FSCN1: variants seen among roughly 807,000 people sequenced by gnomAD.
FSCN1 encodes the protein fascin.
FSCN1 carries 10 observed loss-of-function variants against 39.7 expected under a neutral mutation model. The observed-to-expected ratio is 0.25, with a 90% CI of 0.16 to 0.43. FSCN1 has a LOEUF of 0.43. Ranked by LOEUF, FSCN1 falls within the 20% of genes least tolerant of loss-of-function variation. The pLI is 1.00. For missense variants in FSCN1, 525 were observed against 723.8 expected (o/e 0.73, Z 3.15); for synonymous variants, 322 against 320.0 (o/e 1.01, Z -0.07).
chr7:5,603,407 C>T lies in FSCN1; in HGVS notation c.983C>T (p.Ser328Phe), dbSNP rs770227239. 16 of 1,613,658 alleles carry T rather than the reference C, an allele frequency of 9.9e-6. No individual in the cohort carries two copies. The South Asian group carries it at 1.6e-4, about 17-fold the overall frequency. Residue 328 changes from serine to phenylalanine, a missense_variant, in exon 2 of 5, where the codon TCC (serine) becomes TTC (phenylalanine). Around this residue, in one of 3 missense-constraint regions of FSCN1, gnomAD observed 275 missense variants for 351.9 expected, o/e 0.78. Transcript: ENST00000382361. This position sits in a 1 kb window ranked among gnomAD's most constrained non-coding sequence, Gnocchi z 8.5. ...TATGGVQSTA[S>F]SKNASCYFDI... ...ACCGGGGGCGTGCAGTCCACCGCCT[C>T]CAGCAAGTGAGTGCCTCGCTCCCAC... is the stretch of plus-strand genomic sequence containing the variant.
intron 1 of FSCN1, chr7:5,602,886 C>T (rs554479837): frequency 1.1e-4 from 27 of 244,870 alleles, no homozygotes; most frequent in Admixed American, 4.1e-4. Context: ...TTTGTAGAGA[C>T]GGGGGTGGGG....
In FSCN1 at chr7:5,593,568, G is replaced by C; in HGVS notation, c.632G>C (p.Gly211Ala). 1 of 1,578,970 alleles carries C rather than the reference G, an allele frequency of 6.3e-7. No individual in the cohort carries two copies. The highest frequency in any genetic ancestry group is 8.6e-7 in the Non-Finnish European group (1 of 1,168,344). Residue 211 changes from glycine to alanine, a missense_variant, in exon 1 of 5, where the codon GGC (glycine) becomes GCC (alanine). Coordinates refer to ENST00000382361, the MANE Select transcript of FSCN1 (RefSeq NM_003088.4). ...GTGGCGCGCCCCGAGCCGGCCACTG[G>C]CTACACGCTGGAGTTCCGCTCCGGC... Reference protein sequence around the residue: ...RLVARPEPATGYTLEFRSGKV... With the variant: ...RLVARPEPATAYTLEFRSGKV...
chr7:5,604,394 C>T (rs1000716134), intron 4 of FSCN1, among the ~76,000 whole-genome samples: 5 of 152,058 alleles, frequency 3.3e-5, no homozygotes, highest in Non-Finnish European at 5.9e-5. Flanking sequence ...GGGGAGGACG[C>T]GCCTCGGTTA....
intron 1 of FSCN1, 130 bp downstream of exon 1, chr7:5,593,898 C>T (rs940781918): frequency 6.1e-6 from 4 of 657,968 alleles, no homozygotes; most frequent in Non-Finnish European, 9.9e-6. Flanking sequence ...ATTGCGCCCC[C>T]GCTAGGCACG....
chr7:5,593,474 G>C lies in FSCN1; in HGVS notation c.538G>C (p.Ala180Pro). The C allele has an allele frequency of 6.2e-7, 1 of 1,611,522 alleles. No individual in the cohort carries two copies. The highest frequency in any genetic ancestry group is 1.1e-5 in the South Asian group (1 of 91,004). ...PWGVDSLITL[A>P]FQDQRYSVQT... ...GGGCGTCGACTCGCTCATCACCCTC[G>C]CCTTCCAGGACCAGCGCTACAGCGT... Residue 180 changes from alanine to proline, a missense_variant, in exon 1 of 5, where the codon GCC becomes CCC. Physicochemically the swap from Ala to Pro is conservative, Grantham distance 27 (BLOSUM62 -1). Transcript: ENST00000382361.
chr7:5,602,545 A>C (rs1252823348), intron 1 of FSCN1, among the ~76,000 whole-genome samples: 2 of 152,016 alleles, frequency 1.3e-5, no homozygotes, highest in East Asian at 1.9e-4. Flanking sequence ...TTTCATCCCA[A>C]AATACTTCCA....
rs1302031161 is a variant in FSCN1, at chr7:5,605,524, C to G, written c.*50C>G. On this transcript the variant is annotated 3_prime_UTR_variant, in exon 5 of 5. Transcript: ENST00000382361. This position sits in a 1 kb window ranked among gnomAD's most constrained non-coding sequence, Gnocchi z 6.9. ...TGCCCACATGGCGGCTCCTGCCAAC[C>G]CTCCCTGCTAACCCCTTCTCCGCCA... 7.4e-7 allele frequency: 1 copy of G among 1,356,702 alleles called. No individual in the cohort carries two copies. Among genetic ancestry groups the G allele is most frequent in the Admixed American group, 2.1e-5 (1 of 47,228 alleles). The allele number at this position is 1,356,702 out of a possible 1,614,324, so 84.0% of individuals were successfully genotyped here.
At chr7:5,594,153 C>T (rs1443365643) in intron 1 of FSCN1, 4 of 207,792 alleles carry the variant, frequency 1.9e-5, no homozygotes, top group Non-Finnish European at 3.8e-5. Flanking sequence ...TCGTGCCCCT[C>T]CCCCCGCCGG....
Position 5,604,035 on chromosome 7 carries a change from G to A in FSCN1, c.1279+5G>A. 6.2e-7 allele frequency: 1 copy of A among 1,612,544 alleles called. No individual in the cohort carries two copies. Among genetic ancestry groups the A allele is most frequent in the Non-Finnish European group, 8.5e-7 (1 of 1,179,708 alleles). On this transcript the variant is annotated splice_donor_5th_base_variant and intron_variant, in intron 4 of 4. Transcript: ENST00000382361. ...ATGGCGCCTACAACATCAAAGGCAG[G>A]TTCTCCTGTGGGCAGCTGCTGGGCA...
Position 5,605,939 on chromosome 7 carries a change from T to C in FSCN1, c.*465T>C, listed in dbSNP as rs1584306331. 6.2e-6 allele frequency: 1 copy of C among 160,092 alleles called. No homozygotes were observed. The highest frequency in any genetic ancestry group is 1.9e-4 in the East Asian group (1 of 5,372). The allele number at this position is 160,092 out of a possible 1,614,324, so 9.9% of individuals were successfully genotyped here. A position where few individuals can be genotyped will look rare whatever the true frequency, so the allele number is the denominator to read the frequency against. ...TCCCAAGCCTGTCAGTGGCCCTCCC[T>C]GGTGCACTGTCCCCGAAACCCCTGC... On this transcript the variant is annotated 3_prime_UTR_variant, in exon 5 of 5. Coordinates refer to ENST00000382361, the MANE Select transcript of FSCN1 (RefSeq NM_003088.4). This position sits in a 1 kb window ranked among gnomAD's most constrained non-coding sequence, Gnocchi z 6.9.
chr7:5,595,617 T>A (rs1313600738), intron 1 of FSCN1, among the ~76,000 whole-genome samples: 3 of 151,946 alleles, frequency 2.0e-5, no homozygotes, highest in Admixed American at 6.6e-5. Context: ...ATGGGGGGGG[T>A]GCTGTGTGGA....
rs11423348 is a variant in FSCN1 at position 5,599,124 on chromosome 7, T to TG, written c.833-4130dup. 1 allele frequency among the ~76,000 whole-genome samples: 152,208 copies of TG among 152,220 alleles called. 76,098 individuals carry two copies. The highest frequency in any genetic ancestry group is 1 in the Middle Eastern group (292 of 292). On this transcript the variant is annotated intron_variant, in intron 1 of 4. Transcript: ENST00000382361. This position sits in a 1 kb window ranked among gnomAD's most constrained non-coding sequence, Gnocchi z 5.6. ...TGGCCTTAGGATGGTCCCGGCACCCTGGGACCCAGCCCCTGCTCACCTTAT... is the reference window on the plus strand; with the variant it reads ...TGGCCTTAGGATGGTCCCGGCACCCTGGGGACCCAGCCCCTGCTCACCTTAT...
rs1785907210 is a variant in FSCN1 at position 5,605,008 on chromosome 7, A to G, written c.1280-264A>G. On this transcript the variant is annotated intron_variant, in intron 4 of 4. Transcript: ENST00000382361. This position sits in a 1 kb window ranked among gnomAD's most constrained non-coding sequence, Gnocchi z 6.9. The stretch of plus-strand genomic sequence containing the variant: ...AGGCTGGCTCGAACTCCTGACCTCA[A>G]GTGATCCGCCCACCTCAGCCTCCCA... 6.6e-6 allele frequency among the ~76,000 whole-genome samples: 1 copy of G among 152,126 alleles called. No homozygotes were observed. The highest frequency in any genetic ancestry group is 6.5e-5 in the Admixed American group (1 of 15,274).
Position 5,592,859 on chromosome 7 carries a change from A to G in FSCN1, c.-78A>G, listed in dbSNP as rs1159947654. 4 of 853,486 alleles carry G rather than the reference A, an allele frequency of 4.7e-6. No homozygotes were observed. Among genetic ancestry groups the G allele is most frequent in the Non-Finnish European group, 7.1e-6 (4 of 565,588 alleles). 52.9% of individuals were successfully genotyped at this position (853,486 alleles called of 1,614,324 possible). A position where few individuals can be genotyped will look rare whatever the true frequency, so the allele number is the denominator to read the frequency against. Reference sequence around the variant, plus strand: ...TGCGTGCGGGCCGCGGCAGCCGAACAAAGGAGCAGGGGCGCCGCCGCAGGG... The same window carrying G: ...TGCGTGCGGGCCGCGGCAGCCGAACGAAGGAGCAGGGGCGCCGCCGCAGGG... On this transcript the variant is annotated 5_prime_UTR_variant, in exon 1 of 5. Transcript: ENST00000382361. This position sits in a 1 kb window ranked among gnomAD's most constrained non-coding sequence, Gnocchi z 5.3.
chr7:5,602,799 G>A (rs1375893142), intron 1 of FSCN1: 3 of 179,720 alleles, frequency 1.7e-5, no homozygotes, highest in Admixed American at 5.5e-5. Context: ...CTGCCTCAGC[G>A]ATCCTCCTGC....
chr7:5,603,536 C>T lies in FSCN1; in HGVS notation c.1030C>T (p.Arg344Cys), dbSNP rs186765948. The T allele has an allele frequency of 3.0e-5, 49 of 1,614,124 alleles. No individual in the cohort carries two copies. In the African/African-American group the frequency reaches 4.1e-4, roughly 14 times the overall value. Residue 344 changes from arginine (R) to cysteine (C), a missense_variant, in exon 3 of 5, where the codon CGC (arginine) becomes TGC (cysteine). Arg to Cys is a radical substitution (Grantham distance 180, BLOSUM62 -3). Around this residue, in one of 3 missense-constraint regions of FSCN1, gnomAD observed 275 missense variants for 351.9 expected, o/e 0.78. Transcript: ENST00000382361. This position sits in a 1 kb window ranked among gnomAD's most constrained non-coding sequence, Gnocchi z 8.5. Reference protein sequence around the residue: ...CYFDIEWRDRRITLRASNGKF... With the variant: ...CYFDIEWRDRCITLRASNGKF... Reference sequence around the variant, plus strand: ...CTTTGACATCGAGTGGCGTGACCGGCGCATCACACTGAGGGCGTCCAATGG... The same window carrying T: ...CTTTGACATCGAGTGGCGTGACCGGTGCATCACACTGAGGGCGTCCAATGG...
chr7:5,597,693 C>A (rs1217616339), intron 1 of FSCN1, among the ~76,000 whole-genome samples: 24 of 145,600 alleles, frequency 1.6e-4, no homozygotes, highest in East Asian at 1.4e-3. Flanking sequence ...ACAAAAAAAA[C>A]AACCAAAACA....
intron 1 of FSCN1, among the ~76,000 whole-genome samples, chr7:5,600,687 ATTG>A (rs1473254697): frequency 7.7e-6 from 1 of 130,066 alleles, no homozygotes; most frequent in African/African-American, 3.0e-5. Flanking sequence ...AGAGTCTCGC[ATTG>A]TCGCCCAGGC....
At position 5,599,553 on chromosome 7, in the gene FSCN1, T is replaced by G. The variant is rs1357861172; in HGVS notation, c.833-3704T>G. Among the ~76,000 whole-genome samples, 1 of 152,144 alleles carries G rather than the reference T, an allele frequency of 6.6e-6. No individual in the cohort carries two copies. The highest frequency in any genetic ancestry group is 1.5e-5 in the Non-Finnish European group (1 of 68,018). ...GAGGCCGGGCGTGGTGGCTTACCCC[T>G]GTAATCCCAGCACTTTGGGAGGCAA... On this transcript the variant is annotated intron_variant, in intron 1 of 4. Transcript: ENST00000382361. The surrounding 1 kb of genome is among the most constrained non-coding windows in gnomAD (Gnocchi z 5.6).
Sources: allele counts gnomAD v4.1 joint callset (sites outside exome capture counted in the v4.1 genomes callset), GRCh38; gene constraint gnomAD v4.1.1; regional missense constraint gnomAD v4.1.1; non-coding constraint Gnocchi (gnomAD v3.1); transcripts MANE v1.5; gene names NCBI Gene and HGNC (gene_info 2026-07-23, HGNC 2026-07-21).